ETV1: variants seen among roughly 807,000 people sequenced by gnomAD.
The protein encoded by ETV1 is ETS variant transcription factor 1.
In ETV1, 27 loss-of-function variants were observed where a neutral mutation model predicts 62.3. The observed-to-expected ratio is 0.43, with a 90% CI of 0.32 to 0.60. ETV1 has a LOEUF of 0.60. ETV1 is among the 20% of genes least tolerant of loss of function. The pLI, the probability that ETV1 is intolerant of heterozygous loss-of-function variation, is 0.06. For synonymous variants in ETV1, 222 were observed against 199.6 expected, an observed-to-expected ratio of 1.11 and a Z score of -0.94; for missense variants, 605 against 605.8, an observed-to-expected ratio of 1.00 and a Z score of 0.01.
intron 6 of ETV1, among the ~76,000 whole-genome samples, chr7:13,965,740 T>G (rs1790709587): frequency 6.6e-6 from 1 of 152,220 alleles, no homozygotes; most frequent in Non-Finnish European, 1.5e-5. Flanking sequence ...TAGAGTGCCC[T>G]AATCTGATAA....
chr7:13,904,278 T>C (rs986169900), intron 12 of ETV1, among the ~76,000 whole-genome samples: 4 of 152,220 alleles, frequency 2.6e-5, no homozygotes, highest in Non-Finnish European at 5.9e-5. Flanking sequence ...TTGAGTTGGT[T>C]ATTATTTGGA....
At chr7:13,903,191 G>A (rs953100478) in intron 12 of ETV1, among the ~76,000 whole-genome samples, 10 of 152,052 alleles carry the variant, frequency 6.6e-5, no homozygotes, top group Non-Finnish European at 1.2e-4. Context: ...CCTTATATAC[G>A]CCTTCAAATG....
chr7:13,916,334 A>T (rs1310859312), intron 9 of ETV1, among the ~76,000 whole-genome samples: 3 of 151,932 alleles, frequency 2.0e-5, no homozygotes, highest in Non-Finnish European at 4.4e-5. Flanking sequence ...GCAAAATCTT[A>T]AAAAAAAGAG....
At chr7:13,896,776 G>GAA (rs1554288506) in intron 13 of ETV1, among the ~76,000 whole-genome samples, 3 of 150,834 alleles carry the variant, frequency 2.0e-5, no homozygotes, top group Non-Finnish European at 3.0e-5. Context: ...AAGAAAGAAA[G>GAA]AAAGAAAGAA....
chr7:13,952,575 G>T (rs1191704804), intron 6 of ETV1, among the ~76,000 whole-genome samples: 2 of 152,150 alleles, frequency 1.3e-5, no homozygotes, highest in African/African-American at 2.4e-5. Context: ...CATAATGCAC[G>T]TTAGAAAGAG....
intron 9 of ETV1, among the ~76,000 whole-genome samples, chr7:13,928,151 C>T (rs1310958540): frequency 2.0e-5 from 3 of 152,134 alleles, no homozygotes; most frequent in African/African-American, 7.2e-5. Context: ...GAATGTAATT[C>T]TTACAGCACA....
intron 9 of ETV1, among the ~76,000 whole-genome samples, chr7:13,927,394 G>A (rs1172717445): frequency 6.6e-6 from 1 of 152,216 alleles, no homozygotes; most frequent in East Asian, 1.9e-4. Flanking sequence ...GGAGGTTGCA[G>A]TGAGCCGAAA....
chr7:13,983,424 G>A (rs1238255697), intron 5 of ETV1, among the ~76,000 whole-genome samples: 1 of 151,856 alleles, frequency 6.6e-6, no homozygotes, highest in Non-Finnish European at 1.5e-5. Flanking sequence ...CTTTCAGGTT[G>A]TTAAGAATAA....
At chr7:13,949,672 T>C (rs995022559) in intron 6 of ETV1, among the ~76,000 whole-genome samples, 1 of 152,192 alleles carries the variant, frequency 6.6e-6, no homozygotes, top group African/African-American at 2.4e-5. Flanking sequence ...ATTTCTCTTG[T>C]TTACAGTGCC....
At chr7:13,940,228 G>A (rs892138805) in intron 6 of ETV1, among the ~76,000 whole-genome samples, 7 of 151,988 alleles carry the variant, frequency 4.6e-5, no homozygotes, top group East Asian at 1.9e-4. Context: ...CCGGTATGAT[G>A]GCAGGTGCTT....
intron 6 of ETV1, among the ~76,000 whole-genome samples, chr7:13,959,607 G>C (rs533088986): frequency 6.6e-6 from 1 of 152,076 alleles, no homozygotes; most frequent in African/African-American, 2.4e-5. Context: ...GTTCTGGCCG[G>C]GCACAGTGGC....
chr7:13,907,032 A>G (rs1233818966), intron 11 of ETV1, among the ~76,000 whole-genome samples: 2 of 152,210 alleles, frequency 1.3e-5, no homozygotes, highest in African/African-American at 4.8e-5. Context: ...GATTCATACA[A>G]ATTAAATTCT....
At chr7:13,957,551 C>A (rs1286168992) in intron 6 of ETV1, among the ~76,000 whole-genome samples, 1 of 152,096 alleles carries the variant, frequency 6.6e-6, no homozygotes, top group East Asian at 1.9e-4. Context: ...GGTTGTCTAC[C>A]AACACAATAC....
intron 9 of ETV1, among the ~76,000 whole-genome samples, chr7:13,923,997 T>G (rs567436629): frequency 6.6e-6 from 1 of 151,910 alleles, no homozygotes; most frequent in African/African-American, 2.4e-5. Context: ...ATCGTGCCAT[T>G]GTACTCCAGC....
At chr7:13,986,802 C>A in intron 4 of ETV1, 117 bp from the exon 5 acceptor site, 2 of 760,232 alleles carry the variant, frequency 2.6e-6, no homozygotes, top group Non-Finnish European at 4.0e-6. Flanking sequence ...GAGACGCAGT[C>A]AACATAAAAA....
At chr7:13,970,654 T>C (rs2128493024) in intron 6 of ETV1, among the ~76,000 whole-genome samples, 1 of 152,222 alleles carries the variant, frequency 6.6e-6, no homozygotes, top group South Asian at 2.1e-4. Context: ...TCAAAAAAAC[T>C]TAATCGGGCA....
At chr7:13,982,590 C>A (rs79629933) in intron 5 of ETV1, among the ~76,000 whole-genome samples, 2,928 of 151,968 alleles carry the variant, frequency 0.019, 84 homozygotes, top group African/African-American at 0.068. Context: ...TATTTTCTAG[C>A]ACATCAAAAA....
At chr7:13,942,491 G>C (rs1391752997) in intron 6 of ETV1, among the ~76,000 whole-genome samples, 1 of 152,060 alleles carries the variant, frequency 6.6e-6, no homozygotes, top group Non-Finnish European at 1.5e-5. Context: ...TTGTGGTACA[G>C]ATTATTTCAT....
At chr7:13,902,834 T>C (rs2128409304) in intron 12 of ETV1, among the ~76,000 whole-genome samples, 1 of 152,306 alleles carries the variant, frequency 6.6e-6, no homozygotes, top group South Asian at 2.1e-4. Context: ...TTTTTAAAAA[T>C]ACCACAGAGT....
Sources: allele counts gnomAD v4.1 joint callset (sites outside exome capture counted in the v4.1 genomes callset), GRCh38; gene constraint gnomAD v4.1.1; transcripts MANE v1.5; gene names NCBI Gene and HGNC (gene_info 2026-07-23, HGNC 2026-07-21).